MED27: variants seen among roughly 807,000 people sequenced by gnomAD.
MED27 encodes mediator complex subunit 27.
MED27 carries 30 observed loss-of-function variants against 38.2 expected under a neutral mutation model. The ratio of observed to expected loss-of-function variants is 0.79; its 90% CI spans 0.59 to 1.07. MED27 has a LOEUF of 1.07. Among genes scored for constraint, MED27 ranks in the 50% least tolerant of loss-of-function variants. The probability of loss-of-function intolerance (pLI) is 0.00; values close to 1 mark genes in which losing one functional copy is unlikely to be tolerated. For synonymous variants in MED27, 122 were observed against 153.5 expected (o/e 0.79, Z 1.52); for missense variants, 289 against 397.5 (o/e 0.73, Z 2.32).
chr9:132,041,478 G>T (rs1833208804), intron 2 of MED27, among the ~76,000 whole-genome samples: 1 of 152,222 alleles, frequency 6.6e-6, no homozygotes, highest in Non-Finnish European at 1.5e-5. Context: ...ATAGGGGACT[G>T]CAGTTCTGCC....
intron 3 of MED27, among the ~76,000 whole-genome samples, chr9:131,974,359 T>A (rs146211488): frequency 6.6e-6 from 1 of 152,182 alleles, no homozygotes; most frequent in South Asian, 2.1e-4. Context: ...GATATACAGA[T>A]CAAGTAGGAA....
In MED27 at chr9:132,045,718, CCA is replaced by C. The variant is rs1446815178; in HGVS notation, c.349-31253_349-31252del. Among the ~76,000 whole-genome samples, 27 of 152,334 alleles carry C rather than the reference CCA, an allele frequency of 1.8e-4. 1 individual carries two copies. Among genetic ancestry groups the C allele is most frequent in the African/African-American group, 6.0e-4 (25 of 41,564 alleles). ...CCACTACGTTTTGAGTTACGGAACT[CCA>C]GTTTTTTAAACAGGATTCTTTGCTG... On this transcript the variant is annotated intron_variant, in intron 2 of 7. Coordinates refer to ENST00000292035, the MANE Select transcript of MED27 (RefSeq NM_004269.4).
intron 3 of MED27, among the ~76,000 whole-genome samples, chr9:131,961,708 G>A (rs1318086849): frequency 6.6e-6 from 1 of 152,320 alleles, no homozygotes; most frequent in East Asian, 1.9e-4. Flanking sequence ...CTGGGGAGGC[G>A]CTGCTTTCTA....
At chr9:132,050,574 TA>T (rs1397069486) in intron 2 of MED27, among the ~76,000 whole-genome samples, 1 of 152,234 alleles carries the variant, frequency 6.6e-6, no homozygotes, top group African/African-American at 2.4e-5. Flanking sequence ...AAGTTATAGA[TA>T]TCAAGAGCCC....
At chr9:131,905,734 A>AC (rs1830049282) in intron 4 of MED27, among the ~76,000 whole-genome samples, 21 of 28,156 alleles carry the variant, frequency 7.5e-4, no homozygotes, top group South Asian at 1.8e-3. Flanking sequence ...AAAACAGAAA[A>AC]AGAAAAAGAA....
intron 2 of MED27, among the ~76,000 whole-genome samples, chr9:132,021,010 G>A (rs1832705807): frequency 6.6e-6 from 1 of 152,174 alleles, no homozygotes; most frequent in Non-Finnish European, 1.5e-5. Flanking sequence ...TCAATTACTA[G>A]GAAAGCAGGA....
intron 4 of MED27, among the ~76,000 whole-genome samples, chr9:131,935,333 C>T (rs1830662941): frequency 6.6e-6 from 1 of 151,894 alleles, no homozygotes; most frequent in Non-Finnish European, 1.5e-5. Flanking sequence ...TCTCATATAC[C>T]CCATAAATAC....
chr9:131,912,743 C>G (rs1336280811), intron 4 of MED27, among the ~76,000 whole-genome samples: 1 of 152,312 alleles, frequency 6.6e-6, no homozygotes, highest in South Asian at 2.1e-4. Context: ...TCTCTGAAAA[C>G]CCAGTCTTGT....
intron 3 of MED27, among the ~76,000 whole-genome samples, chr9:131,944,636 T>TC (rs1830849094): frequency 6.6e-6 from 1 of 151,538 alleles, no homozygotes; most frequent in African/African-American, 2.4e-5. Flanking sequence ...CAAGCAATTC[T>TC]CCCTGCTGCC....
At chr9:131,916,681 G>A (rs559306256) in intron 4 of MED27, among the ~76,000 whole-genome samples, 3 of 152,264 alleles carry the variant, frequency 2.0e-5, no homozygotes, top group African/African-American at 7.2e-5. Context: ...CAAGGGCTCT[G>A]GCATGCTATG....
rs781364656 is a variant in MED27, at chr9:131,997,283, C to T, written c.479+17054G>A. Among the ~76,000 whole-genome samples, 6 of 152,146 alleles carry T rather than the reference C, an allele frequency of 3.9e-5. No individual in the cohort carries two copies. The highest frequency in any genetic ancestry group is 8.8e-5 in the Non-Finnish European group (6 of 68,018). ...AGACAAGGAGATGCAATGGCAGATC[C>T]TCTTCCAGGAAGAACCTGCTGTCTG... is the stretch of plus-strand genomic sequence containing the variant. On this transcript the variant is annotated intron_variant, in intron 3 of 7. Transcript: ENST00000292035. The surrounding 1 kb of genome is among the most constrained non-coding windows in gnomAD (Gnocchi z 4.0).
rs548577193 is a variant in MED27 at position 132,077,650 on chromosome 9, C to T, written c.204-64G>A. ...ATTTACACTCCAGGGTAAAGCCAGC[C>T]CCCAGGATCAAAGACTGCTCTTCAA... On this transcript the variant is annotated intron_variant, in intron 1 of 7. Coordinates refer to ENST00000292035, the MANE Select transcript of MED27 (RefSeq NM_004269.4). 9 of 1,560,670 alleles carry T rather than the reference C, an allele frequency of 5.8e-6. No individual in the cohort carries two copies. The South Asian group carries it at 1.1e-4, about 18-fold the overall frequency.
At chr9:131,992,904 G>A (rs1228252403) in intron 3 of MED27, among the ~76,000 whole-genome samples, 1 of 152,112 alleles carries the variant, frequency 6.6e-6, no homozygotes, top group Non-Finnish European at 1.5e-5. Context: ...CTGAGTGATC[G>A]CTGTATCACA....
intron 4 of MED27, among the ~76,000 whole-genome samples, chr9:131,899,495 G>A (rs1348160150): frequency 6.6e-6 from 1 of 152,204 alleles, no homozygotes; most frequent in Admixed American, 6.5e-5. Flanking sequence ...CAGGCAGTGT[G>A]ACCCAGGGCA....
At chr9:131,936,336 G>C (rs553517358) in intron 4 of MED27, among the ~76,000 whole-genome samples, 1 of 152,156 alleles carries the variant, frequency 6.6e-6, no homozygotes, top group Non-Finnish European at 1.5e-5. Flanking sequence ...CTTGTCAGAT[G>C]AGCACAGTTG....
At chr9:131,907,784 C>T (rs1830098663) in intron 4 of MED27, among the ~76,000 whole-genome samples, 1 of 151,324 alleles carries the variant, frequency 6.6e-6, no homozygotes, top group South Asian at 2.1e-4. Flanking sequence ...AGCGCCTCTT[C>T]CCGGCCGCCA....
intron 3 of MED27, among the ~76,000 whole-genome samples, chr9:131,977,569 T>C (rs1462891521): frequency 6.6e-6 from 1 of 152,016 alleles, no homozygotes; most frequent in African/African-American, 2.4e-5. Context: ...TGTGAAGAGA[T>C]CTTCCCCTCC....
At chr9:132,062,878 T>C (rs1833729638) in intron 2 of MED27, among the ~76,000 whole-genome samples, 1 of 152,112 alleles carries the variant, frequency 6.6e-6, no homozygotes, top group South Asian at 2.1e-4. Flanking sequence ...AGCATCAGCT[T>C]CCCAAAGGGC....
chr9:131,971,572 G>C (rs1030169698), intron 3 of MED27, among the ~76,000 whole-genome samples: 1 of 152,236 alleles, frequency 6.6e-6, no homozygotes, highest in Non-Finnish European at 1.5e-5. Context: ...AGTAGAAGCA[G>C]AGTCCAGTGA....
Sources: allele counts gnomAD v4.1 joint callset (sites outside exome capture counted in the v4.1 genomes callset), GRCh38; gene constraint gnomAD v4.1.1; non-coding constraint Gnocchi (gnomAD v3.1); transcripts MANE v1.5; gene names NCBI Gene and HGNC (gene_info 2026-07-23, HGNC 2026-07-21).